The following CPA6 variants were observed in gnomAD, a reference collection of about 807,000 sequenced individuals.
The protein encoded by CPA6 is carboxypeptidase B.
Under a neutral mutation model 63.3 loss-of-function variants are expected in CPA6, and 58 were observed. That is an observed-to-expected ratio of 0.92 (90% CI 0.74 to 1.14). The LOEUF is 1.14. Among genes scored for constraint, CPA6 ranks in the 50% most tolerant of loss-of-function variants. The pLI, the probability that CPA6 is intolerant of heterozygous loss-of-function variation, is 0.00. For missense variants in CPA6, 565 were observed against 526.6 expected (o/e 1.07, Z -0.71); for synonymous variants, 185 against 179.0 (o/e 1.03, Z -0.27).
chr8:67,631,046 G>A (rs554758601), intron 1 of CPA6, among the ~76,000 whole-genome samples: 35 of 152,300 alleles, frequency 2.3e-4, no homozygotes, highest in African/African-American at 7.5e-4. Flanking sequence ...CAACATGCGC[G>A]GCCCCCTACT....
chr8:67,459,827 G>T (rs1195741776), intron 8 of CPA6, among the ~76,000 whole-genome samples: 4 of 152,164 alleles, frequency 2.6e-5, no homozygotes. Context: ...TGTAAACTAT[G>T]AACTTTGGGT....
intron 1 of CPA6, among the ~76,000 whole-genome samples, chr8:67,725,574 GCAGTGGCACAAC>G (rs1207412954): frequency 3.9e-5 from 6 of 152,182 alleles, no homozygotes; most frequent in African/African-American, 9.6e-5. Flanking sequence ...AGGCTGGAGT[GCAGTGGCACAAC>G]CATAGCTCAC....
intron 8 of CPA6, among the ~76,000 whole-genome samples, chr8:67,475,879 C>T (rs1414965057): frequency 1.3e-4 from 6 of 45,104 alleles, no homozygotes; most frequent in East Asian, 6.4e-4. Flanking sequence ...TTCTTTCTTT[C>T]TCCTTTCTTT....
At chr8:67,565,145 T>C (rs756050591) in intron 2 of CPA6, among the ~76,000 whole-genome samples, 15 of 150,414 alleles carry the variant, frequency 1.0e-4, no homozygotes, top group Non-Finnish European at 1.2e-4. Flanking sequence ...ATTGGGACTA[T>C]GCCACAGCGT....
At chr8:67,696,349 GC>G (rs1159751187) in intron 1 of CPA6, among the ~76,000 whole-genome samples, 2 of 152,162 alleles carry the variant, frequency 1.3e-5, no homozygotes, top group African/African-American at 4.8e-5. Context: ...ACACTGAGAA[GC>G]CATAGTACAT....
chr8:67,587,400 G>A (rs898927393), intron 2 of CPA6, among the ~76,000 whole-genome samples: 2 of 152,132 alleles, frequency 1.3e-5, no homozygotes, highest in Admixed American at 1.3e-4. Flanking sequence ...GGGCTAGACT[G>A]GAGTAGTAGA....
intron 8 of CPA6, among the ~76,000 whole-genome samples, chr8:67,446,493 A>G (rs1160422000): frequency 6.6e-6 from 1 of 152,144 alleles, no homozygotes; most frequent in Non-Finnish European, 1.5e-5. Flanking sequence ...ATTAGAAAAG[A>G]ACAATCGAGA....
chr8:67,599,317 A>G, intron 2 of CPA6, among the ~76,000 whole-genome samples: 1 of 152,196 alleles, frequency 6.6e-6, no homozygotes. Context: ...TCCACCTTGC[A>G]TGCACATGCT....
intron 8 of CPA6, among the ~76,000 whole-genome samples, chr8:67,461,808 G>A (rs569793758): frequency 9.3e-4 from 141 of 151,944 alleles, no homozygotes; most frequent in Non-Finnish European, 1.8e-3. Context: ...GCGGCTGGCC[G>A]GGCGGGGGGC....
At chr8:67,514,517 C>T (rs945894237) in intron 3 of CPA6, among the ~76,000 whole-genome samples, 3 of 152,072 alleles carry the variant, frequency 2.0e-5, no homozygotes, top group Admixed American at 2.0e-4. Context: ...CTACTGGGCC[C>T]GTGGAATTTA....
chr8:67,553,494 G>T (rs1587552946), intron 2 of CPA6, among the ~76,000 whole-genome samples: 1 of 152,124 alleles, frequency 6.6e-6, no homozygotes, highest in East Asian at 1.9e-4. Flanking sequence ...ATTACATAAG[G>T]GGTATGGATT....
intron 6 of CPA6, among the ~76,000 whole-genome samples, chr8:67,501,042 C>T (rs1811820560): frequency 2.0e-5 from 3 of 152,052 alleles, no homozygotes; most frequent in Admixed American, 6.6e-5. Flanking sequence ...AGTTTTAGCT[C>T]TCCTACTTCC....
chr8:67,653,273 G>A (rs1449176514), intron 1 of CPA6, among the ~76,000 whole-genome samples: 1 of 152,084 alleles, frequency 6.6e-6, no homozygotes, highest in African/African-American at 2.4e-5. Context: ...TTCCAATTCT[G>A]TGAAGAAAGT....
At chr8:67,717,308 C>G (rs1817402584) in intron 1 of CPA6, among the ~76,000 whole-genome samples, 1 of 152,156 alleles carries the variant, frequency 6.6e-6, no homozygotes, top group South Asian at 2.1e-4. Flanking sequence ...GAAGAGAGAG[C>G]TGGAAATAAG....
chr8:67,654,913 A>T (rs1343716486), intron 1 of CPA6, among the ~76,000 whole-genome samples: 3 of 152,140 alleles, frequency 2.0e-5, no homozygotes, highest in Non-Finnish European at 4.4e-5. Flanking sequence ...ATAGCTTTCT[A>T]TTGCTCGCTC....
chr8:67,703,799 CT>C (rs1817075385), intron 1 of CPA6, among the ~76,000 whole-genome samples: 2 of 152,250 alleles, frequency 1.3e-5, no homozygotes, highest in South Asian at 4.1e-4. Flanking sequence ...CTCCTTATGA[CT>C]TTCCATACAC....
intron 2 of CPA6, among the ~76,000 whole-genome samples, chr8:67,607,251 T>TC (rs1564021548): frequency 1.6e-4 from 13 of 81,130 alleles, no homozygotes; most frequent in Non-Finnish European, 2.1e-4. Context: ...TTCTTCTTCT[T>TC]CTCCTCCTCC....
At chr8:67,561,179 T>C (rs1158522956) in intron 2 of CPA6, among the ~76,000 whole-genome samples, 1 of 152,184 alleles carries the variant, frequency 6.6e-6, no homozygotes, top group African/African-American at 2.4e-5. Context: ...TTAATCTTGG[T>C]GATTTGAAGC....
At chr8:67,594,521 C>A (rs1587612212) in intron 2 of CPA6, among the ~76,000 whole-genome samples, 1 of 152,208 alleles carries the variant, frequency 6.6e-6, no homozygotes, top group Non-Finnish European at 1.5e-5. Flanking sequence ...TCAGGTACAA[C>A]AATCAGGACG....
Sources: gnomAD v4.1 joint callset for allele counts (sites outside exome capture counted in the v4.1 genomes callset) on GRCh38, gnomAD v4.1.1 for gene constraint, MANE v1.5 for transcripts, NCBI Gene and HGNC (gene_info 2026-07-23, HGNC 2026-07-21) for gene names.